Variants in GMFB observed in about 807,000 individuals in gnomAD.
GMFB encodes GMF-beta.
GMFB carries 13 observed loss-of-function variants against 25.6 expected under a neutral mutation model. The ratio of observed to expected loss-of-function variants is 0.51; its 90% CI spans 0.33 to 0.81. GMFB has a LOEUF of 0.81. GMFB is among the 30% of genes least tolerant of loss of function. The pLI is 0.02. For missense variants in GMFB, 146 were observed against 175.4 expected (o/e 0.83, Z 0.95); for synonymous variants, 57 against 56.9 (o/e 1.00, Z 0.00).
rs1422908003 is a variant in GMFB at position 54,477,242 on chromosome 14, A to G, written c.*846T>C. 1 of 152,494 alleles carries G rather than the reference A, an allele frequency of 6.6e-6. No homozygotes were observed. Among genetic ancestry groups the G allele is most frequent in the Admixed American group, 6.6e-5 (1 of 15,262 alleles). 9.4% of individuals were successfully genotyped at this position (152,494 alleles called of 1,614,324 possible). ...AAAGTATTAATTTCACCAAATGTGG[A>G]ATACTGGCAGTGTAAAAGTCTTAAA... is the stretch of plus-strand genomic sequence containing the variant. On this transcript the variant is annotated 3_prime_UTR_variant, in exon 7 of 7. Coordinates refer to ENST00000358056, the MANE Select transcript of GMFB (RefSeq NM_004124.3).
intron 1 of GMFB, 139 bp from the exon 2 acceptor site, chr14:54,483,906 C>T: frequency 2.8e-6 from 2 of 705,392 alleles, no homozygotes; most frequent in Non-Finnish European, 5.1e-6. Context: ...TACATGAACA[C>T]TTAAAAGAAC....
rs2031629085 is a variant in GMFB, at chr14:54,475,649, T to C, written c.*2439A>G. ...CTGAGAAGTTTTCTTCGTATGTATT[T>C]TTGTTGTCATGGAAACCACACTAAA... is the stretch of plus-strand genomic sequence containing the variant. On this transcript the variant is annotated 3_prime_UTR_variant, in exon 7 of 7. Coordinates refer to ENST00000358056, the MANE Select transcript of GMFB (RefSeq NM_004124.3). 6.6e-6 allele frequency: 1 copy of C among 152,550 alleles called. No homozygotes were observed. The highest frequency in any genetic ancestry group is 1.5e-5 in the Non-Finnish European group (1 of 67,962). The allele number at this position is 152,550 out of a possible 1,614,324, so 9.4% of individuals were successfully genotyped here. A position where few individuals can be genotyped will look rare whatever the true frequency, so the allele number is the denominator to read the frequency against.
chr14:54,488,864 GA>G (rs1288483306), intron 1 of GMFB, 60 bp downstream of exon 1: 2 of 1,485,868 alleles, frequency 1.3e-6, no homozygotes, highest in Non-Finnish European at 1.8e-6. Flanking sequence ...CGGAAACCGG[GA>G]AAACCCGGCT....
At chr14:54,486,577 T>C (rs919079560) in intron 1 of GMFB, among the ~76,000 whole-genome samples, 2 of 152,078 alleles carry the variant, frequency 1.3e-5, no homozygotes, top group African/African-American at 2.4e-5. Context: ...GGATTAATAA[T>C]CAGAATATAC....
intron 6 of GMFB, 157 bp downstream of exon 6, chr14:54,479,623 ATCTCAT>A (rs2031684076): frequency 1.9e-6 from 1 of 522,526 alleles, no homozygotes; most frequent in Non-Finnish European, 3.4e-6. Flanking sequence ...AAACGCTTCT[ATCTCAT>A]TCTATTTCCA....
chr14:54,488,902 C>A, intron 1 of GMFB, 23 bp downstream of exon 1: 1 of 1,557,958 alleles, frequency 6.4e-7, no homozygotes. Flanking sequence ...CCTCCGGCCC[C>A]CGCCCTCCCA....
At chr14:54,487,462 C>A (rs1389695511) in intron 1 of GMFB, among the ~76,000 whole-genome samples, 1 of 152,072 alleles carries the variant, frequency 6.6e-6, no homozygotes, top group Admixed American at 6.5e-5. Flanking sequence ...CGGCGTGAAC[C>A]AGGGAGGCGG....
intron 1 of GMFB, chr14:54,488,584 A>G (rs2031821808): frequency 3.3e-6 from 1 of 299,650 alleles, no homozygotes; most frequent in East Asian, 5.4e-5. Flanking sequence ...CCGATGGGGC[A>G]GACCCCTTTC....
intron 1 of GMFB, among the ~76,000 whole-genome samples, chr14:54,488,171 C>T (rs1207074545): frequency 6.6e-6 from 1 of 152,090 alleles, no homozygotes; most frequent in African/African-American, 2.4e-5. Flanking sequence ...TGAAATTTAC[C>T]CATATTTTAA....
chr14:54,480,007 C>A, intron 5 of GMFB, 148 bp from the exon 6 acceptor site: 1 of 569,392 alleles, frequency 1.8e-6, no homozygotes, highest in Non-Finnish European at 3.1e-6. Flanking sequence ...TTGAGTCTTA[C>A]ATTGCACACT....
chr14:54,482,934 G>A (rs1050386623), intron 2 of GMFB, among the ~76,000 whole-genome samples: 4 of 151,628 alleles, frequency 2.6e-5, no homozygotes, highest in African/African-American at 7.3e-5. Flanking sequence ...ACCATATGTC[G>A]ACATTGCAGT....
At chr14:54,478,188 ACTTTGACACTCC>A in intron 6 of GMFB, 29 bp from the exon 7 acceptor site, 1 of 812,870 alleles carries the variant, frequency 1.2e-6, no homozygotes, top group Non-Finnish European at 1.9e-6. Context: ...CTTGGGTCAT[ACTTTGACACTCC>A]AAAAAAAAAG....
intron 3 of GMFB, 131 bp downstream of exon 3, chr14:54,482,022 T>TC: frequency 1.6e-6 from 1 of 639,862 alleles, no homozygotes; most frequent in Non-Finnish European, 2.8e-6. Context: ...TAGCACATGC[T>TC]TTTATGCATA....
intron 4 of GMFB, 80 bp from the exon 5 acceptor site, chr14:54,481,036 A>G: frequency 1.5e-6 from 1 of 671,148 alleles, no homozygotes; most frequent in Non-Finnish European, 2.6e-6. Context: ...CTGAGCTGCA[A>G]GTTTCTGTCC....
Position 54,488,967 on chromosome 14 carries a change from G to C in GMFB, c.-40C>G. 1 of 1,541,296 alleles carries C rather than the reference G, an allele frequency of 6.5e-7. No individual in the cohort carries two copies. Among genetic ancestry groups the C allele is most frequent in the Non-Finnish European group, 8.7e-7 (1 of 1,144,890 alleles). On this transcript the variant is annotated 5_prime_UTR_variant, in exon 1 of 7. Transcript: ENST00000358056. ...TCAGCGGCCTGTCGCCTACACTCGGGCGCCTTTAAGAATGGCACGGCGGCC... is the reference window on the plus strand; with the variant it reads ...TCAGCGGCCTGTCGCCTACACTCGGCCGCCTTTAAGAATGGCACGGCGGCC...
Position 54,483,756 on chromosome 14 carries a change from CA to C in GMFB, c.14del (p.Leu5TrpfsTer10). 1 of 1,593,846 alleles carries C rather than the reference CA, an allele frequency of 6.3e-7. No homozygotes were observed. The highest frequency in any genetic ancestry group is 8.6e-7 in the Non-Finnish European group (1 of 1,162,538). On this transcript the variant is annotated frameshift_variant, in exon 2 of 7. Coordinates refer to ENST00000358056, the MANE Select transcript of GMFB (RefSeq NM_004124.3). LOFTEE classifies it high-confidence loss of function. MSESLVVCDVAEDLV... is the reference protein window; with the variant it reads MSESXVVCDVAEDLV... Reference sequence around the variant, plus strand: ...AATCTTCGGCAACATCACAAACAACCAAAGACTCACTCTATAAAAGAAAAAA... The same window carrying C: ...AATCTTCGGCAACATCACAAACAACCAAGACTCACTCTATAAAAGAAAAAA...
rs1466478556 is a variant in GMFB, at chr14:54,483,498, T to C, written c.100+173A>G. On this transcript the variant is annotated intron_variant, in intron 2 of 6. Transcript: ENST00000358056. ...GAGGTGGGACAATCCACCTCTGTTC[T>C]GTGACATTAGAATTAGCTGTTACTT... 18 of 588,500 alleles carry C rather than the reference T, an allele frequency of 3.1e-5. No homozygotes were observed. In the Admixed American group the frequency reaches 5.4e-4, roughly 18 times the overall value. The allele number at this position is 588,500 out of a possible 1,614,324, so 36.5% of individuals were successfully genotyped here. A position where few individuals can be genotyped will look rare whatever the true frequency, so the allele number is the denominator to read the frequency against.
rs2031793203 is a variant in GMFB, at chr14:54,487,111, T to A, written c.3+1814A>T. On this transcript the variant is annotated intron_variant, in intron 1 of 6. Coordinates refer to ENST00000358056, the MANE Select transcript of GMFB (RefSeq NM_004124.3). ...ATATTGAAATATTAATATATAGATC[T>A]GGGGTCAGGCGCGGTAGCTCACGTC... Among the ~76,000 whole-genome samples the A allele has an allele frequency of 2.0e-5, 3 of 152,158 alleles. No individual in the cohort carries two copies. In the South Asian group the frequency reaches 6.2e-4, roughly 31 times the overall value.
In GMFB at chr14:54,488,970, C is replaced by T; in HGVS notation, c.-43G>A. 3 of 1,534,680 alleles carry T rather than the reference C, an allele frequency of 2.0e-6. No homozygotes were observed. Among genetic ancestry groups the T allele is most frequent in the Non-Finnish European group, 2.6e-6 (3 of 1,140,526 alleles). On this transcript the variant is annotated 5_prime_UTR_variant, in exon 1 of 7. Transcript: ENST00000358056. ...GCGGCCTGTCGCCTACACTCGGGCG[C>T]CTTTAAGAATGGCACGGCGGCCGCC...
Sources: gnomAD v4.1 joint callset for allele counts (sites outside exome capture counted in the v4.1 genomes callset) on GRCh38, gnomAD v4.1.1 for gene constraint, MANE v1.5 for transcripts, NCBI Gene and HGNC (gene_info 2026-07-23, HGNC 2026-07-21) for gene names.